The following TLR6 variants were observed in gnomAD, a reference collection of about 807,000 sequenced individuals.
TLR6 encodes toll-like receptor 6.
TLR6 carries 9 observed loss-of-function variants against 16.1 expected under a neutral mutation model. The ratio of observed to expected loss-of-function variants is 0.56; its 90% CI spans 0.34 to 0.98. TLR6 has a LOEUF of 0.98. Ranked by LOEUF, TLR6 falls within the 50% of genes least tolerant of loss-of-function variation. The pLI, the probability that TLR6 is intolerant of heterozygous loss-of-function variation, is 0.02. For synonymous variants in TLR6, 340 were observed against 338.6 expected (o/e 1.00, Z -0.04); for missense variants, 786 against 921.0 (o/e 0.85, Z 1.90).
chr4:38,856,300 A>C (rs1188119947), intron 1 of TLR6, among the ~76,000 whole-genome samples: 1 of 152,204 alleles, frequency 6.6e-6, no homozygotes, highest in Non-Finnish European at 1.5e-5. Context: ...CTTATGAATT[A>C]GGGACAGACA....
At chr4:38,860,991 G>A (rs1050466016), upstream of TLR6, among the ~76,000 whole-genome samples, 2 of 149,052 alleles carry the variant, frequency 1.3e-5, no homozygotes, top group African/African-American at 5.0e-5. Flanking sequence ...GAAAATCAGG[G>A]GACTGAGACC....
chr4:38,852,124 T>G (rs1459356571), intron 1 of TLR6, among the ~76,000 whole-genome samples: 1 of 152,052 alleles, frequency 6.6e-6, no homozygotes, highest in Admixed American at 6.5e-5. Flanking sequence ...AAACAAGAAA[T>G]AGGGAAAGGA....
chr4:38,864,760 C>G, the TLR6 span, among the ~76,000 whole-genome samples: 2 of 152,226 alleles, frequency 1.3e-5, no homozygotes, highest in South Asian at 2.1e-4. Flanking sequence ...ACCTGTAGTC[C>G]CAGTACTTTA....
intron 1 of TLR6, among the ~76,000 whole-genome samples, chr4:38,854,068 T>C (rs923769167): frequency 2.0e-5 from 3 of 152,366 alleles, no homozygotes; most frequent in East Asian, 3.9e-4. Flanking sequence ...TTAGTTTTTA[T>C]CTATATTTTT....
chr4:38,855,494 T>C, intron 1 of TLR6, among the ~76,000 whole-genome samples: 1 of 152,234 alleles, frequency 6.6e-6, no homozygotes, highest in East Asian at 1.9e-4. Flanking sequence ...GAAAATATTT[T>C]ATATTTAAAG....
Position 38,829,136 on chromosome 4 carries a change from TG to T in TLR6, c.337del (p.Gln113LysfsTer9). On this transcript the variant is annotated frameshift_variant, in exon 2 of 2. Coordinates refer to ENST00000436693, the Ensembl canonical transcript of TLR6. LOFTEE classifies it low-confidence loss of function (END_TRUNC). ...CACAATAGGATGGCAGGATATCTTT[TG>T]CAACTGATTATGAGATAAATCCAAA... The T allele has an allele frequency of 6.2e-7, 1 of 1,614,140 alleles. No individual in the cohort carries two copies. The highest frequency in any genetic ancestry group is 1.1e-5 in the South Asian group (1 of 91,072).
intron 1 of TLR6, among the ~76,000 whole-genome samples, chr4:38,839,835 T>C (rs1712160986): frequency 6.6e-6 from 1 of 152,218 alleles, no homozygotes; most frequent in South Asian, 2.1e-4. Context: ...TGTGGCCTAT[T>C]GGGGCATTTG....
At chr4:38,847,861 G>A (rs1019276072) in intron 1 of TLR6, among the ~76,000 whole-genome samples, 5 of 152,200 alleles carry the variant, frequency 3.3e-5, no homozygotes, top group East Asian at 1.9e-4. Context: ...CTGGGGGCAG[G>A]GCATAGCCCA....
exon 2 of TLR6, chr4:38,824,753 T>C (rs1375361220): frequency 6.6e-6 from 1 of 152,214 alleles, no homozygotes; most frequent in East Asian, 1.9e-4. Flanking sequence ...TAATAAAATA[T>C]CATTAAGGCT....
exon 2 of TLR6, chr4:38,825,805 C>A (rs1464618394): frequency 6.6e-6 from 1 of 152,236 alleles, no homozygotes; most frequent in Non-Finnish European, 1.5e-5. Flanking sequence ...TGAAGAAATT[C>A]ACATCCTTTT....
chr4:38,867,441 C>A, the TLR6 span, among the ~76,000 whole-genome samples: 2 of 152,250 alleles, frequency 1.3e-5, no homozygotes, highest in African/African-American at 4.8e-5. Context: ...TGCTGCTTAA[C>A]GCAGAATCAG....
exon 2 of TLR6, chr4:38,828,614 G>A: frequency 1.9e-6 from 3 of 1,613,808 alleles, no homozygotes; most frequent in East Asian, 2.2e-5. Flanking sequence ...TTCAATTATT[G>A]TTAAATTGTA....
At chr4:38,841,996 AT>A (rs1560268629) in intron 1 of TLR6, among the ~76,000 whole-genome samples, 7 of 151,872 alleles carry the variant, frequency 4.6e-5, no homozygotes, top group South Asian at 4.2e-4. Context: ...ATGTTTAAAA[AT>A]TTTTTTTTCA....
the TLR6 span, among the ~76,000 whole-genome samples, chr4:38,864,483 T>C: frequency 6.6e-6 from 1 of 152,062 alleles, no homozygotes; most frequent in East Asian, 1.9e-4. Context: ...TGTAATTGAG[T>C]GAAATATGAA....
chr4:38,864,870 G>A, the TLR6 span, among the ~76,000 whole-genome samples: 1 of 152,184 alleles, frequency 6.6e-6, no homozygotes, highest in Admixed American at 6.5e-5. Context: ...AAAATTTGCT[G>A]GGTGCAGTGG....
chr4:38,849,531 C>T (rs962556856), intron 1 of TLR6, among the ~76,000 whole-genome samples: 1 of 152,046 alleles, frequency 6.6e-6, no homozygotes, highest in Non-Finnish European at 1.5e-5. Context: ...TTCAGGAGAC[C>T]CATCTCACGT....
chr4:38,840,389 T>C (rs1007809119), intron 1 of TLR6, among the ~76,000 whole-genome samples: 5 of 152,064 alleles, frequency 3.3e-5, no homozygotes, highest in Admixed American at 2.6e-4. Context: ...ATTCCAGCAC[T>C]TTGGGAGGCT....
chr4:38,856,153 AG>A (rs113341334), intron 1 of TLR6, among the ~76,000 whole-genome samples: 37,344 of 152,096 alleles, frequency 0.25, 5,079 homozygotes, highest in Non-Finnish European at 0.28. Context: ...AAGCTTGTGA[AG>A]GGGCTTGGTC....
At chr4:38,868,367 C>G in the TLR6 span, 1 of 152,956 alleles carries the variant, frequency 6.5e-6, no homozygotes, top group African/African-American at 2.4e-5. Context: ...TTGACCTCCC[C>G]GCTCCCCTCG....
Sources: allele counts gnomAD v4.1 joint callset (sites outside exome capture counted in the v4.1 genomes callset), GRCh38; gene constraint gnomAD v4.1.1; transcripts MANE v1.5; gene names NCBI Gene and HGNC (gene_info 2026-07-23, HGNC 2026-07-21).